The following SGCZ variants were observed in gnomAD, a reference collection of about 807,000 sequenced individuals.
The protein encoded by SGCZ is sarcoglycan zeta.
In SGCZ, 40 loss-of-function variants were observed where a neutral mutation model predicts 41.3. The ratio of observed to expected loss-of-function variants is 0.97; its 90% CI spans 0.75 to 1.26. The LOEUF is 1.26. Among genes scored for constraint, SGCZ ranks in the 50% most tolerant of loss-of-function variants. The pLI, the probability that SGCZ is intolerant of heterozygous loss-of-function variation, is 0.00. For missense variants in SGCZ, 552 were observed against 369.8 expected (o/e 1.49, Z -4.04); for synonymous variants, 206 against 137.5 (o/e 1.50, Z -3.49).
At chr8:14,780,755 G>A (rs1183548789) in intron 1 of SGCZ, among the ~76,000 whole-genome samples, 2 of 152,076 alleles carry the variant, frequency 1.3e-5, no homozygotes, top group Non-Finnish European at 2.9e-5. Context: ...TAATTTCAAT[G>A]CCCTTAATAT....
At chr8:15,198,464 T>G (rs915961819) in intron 1 of SGCZ, among the ~76,000 whole-genome samples, 1 of 152,162 alleles carries the variant, frequency 6.6e-6, no homozygotes, top group Non-Finnish European at 1.5e-5. Flanking sequence ...CTATTGAAAA[T>G]TTAGGTTAGG....
At chr8:14,693,077 G>T (rs1194264307) in intron 1 of SGCZ, among the ~76,000 whole-genome samples, 1 of 152,148 alleles carries the variant, frequency 6.6e-6, no homozygotes, top group African/African-American at 2.4e-5. Context: ...GGTGAAATGT[G>T]TTAATAAAAA....
chr8:14,294,283 G>A (rs746254688), intron 3 of SGCZ, among the ~76,000 whole-genome samples: 9 of 151,726 alleles, frequency 5.9e-5, no homozygotes, highest in Non-Finnish European at 1.2e-4. Flanking sequence ...GAGAAAGGTA[G>A]AAATATGTCA....
chr8:14,673,367 T>C (rs541667054), intron 1 of SGCZ, among the ~76,000 whole-genome samples: 11 of 152,288 alleles, frequency 7.2e-5, no homozygotes, highest in African/African-American at 2.6e-4. Flanking sequence ...GGAGTTCTCA[T>C]GAGATCTGGT....
chr8:14,305,309 A>AT (rs1291516258), intron 3 of SGCZ, among the ~76,000 whole-genome samples: 1 of 152,116 alleles, frequency 6.6e-6, no homozygotes, highest in Non-Finnish European at 1.5e-5. Flanking sequence ...CAGAAATAAC[A>AT]TTTTTTGATA....
At chr8:14,693,033 A>T (rs547624931) in intron 1 of SGCZ, among the ~76,000 whole-genome samples, 2 of 152,294 alleles carry the variant, frequency 1.3e-5, no homozygotes, top group Admixed American at 6.5e-5. Context: ...AACCGTGGCT[A>T]TAATTAGTTT....
chr8:14,373,353 C>G (rs1295060090), intron 2 of SGCZ, among the ~76,000 whole-genome samples: 2 of 152,110 alleles, frequency 1.3e-5, no homozygotes, highest in Non-Finnish European at 2.9e-5. Context: ...GTGGTTGAGA[C>G]CAACTTGGAT....
At chr8:14,425,634 A>G (rs1238234682) in intron 2 of SGCZ, among the ~76,000 whole-genome samples, 2 of 121,726 alleles carry the variant, frequency 1.6e-5, no homozygotes, top group Non-Finnish European at 3.4e-5. Flanking sequence ...AAGAAAAAGA[A>G]AAAGAAAAAA....
chr8:14,281,291 C>CATG (rs948320531), intron 3 of SGCZ, among the ~76,000 whole-genome samples: 2 of 151,848 alleles, frequency 1.3e-5, no homozygotes, highest in Admixed American at 1.3e-4. Flanking sequence ...GTATTTGTTT[C>CATG]ATGATTATGT....
chr8:14,765,787 G>A (rs1316037304), intron 1 of SGCZ, among the ~76,000 whole-genome samples: 1 of 152,108 alleles, frequency 6.6e-6, no homozygotes, highest in African/African-American at 2.4e-5. Flanking sequence ...CGTGTGCGCA[G>A]ACACAGTAAA....
intron 1 of SGCZ, among the ~76,000 whole-genome samples, chr8:14,725,019 C>T (rs1256007190): frequency 6.6e-6 from 1 of 152,122 alleles, no homozygotes; most frequent in Non-Finnish European, 1.5e-5. Flanking sequence ...ATTTCCCAGC[C>T]TCTAGTGGCC....
chr8:15,222,791 G>A (rs268347), intron 1 of SGCZ, among the ~76,000 whole-genome samples: 1 of 151,958 alleles, frequency 6.6e-6, no homozygotes, highest in African/African-American at 2.4e-5. Context: ...GTGTATGCGT[G>A]CATGTGTGGG....
chr8:14,401,204 G>A (rs1286546181), intron 2 of SGCZ, among the ~76,000 whole-genome samples: 1 of 152,038 alleles, frequency 6.6e-6, no homozygotes, highest in Non-Finnish European at 1.5e-5. Context: ...TTTGCATTAT[G>A]CATATCAATA....
At chr8:14,448,060 A>C (rs906967476) in intron 2 of SGCZ, among the ~76,000 whole-genome samples, 2 of 152,180 alleles carry the variant, frequency 1.3e-5, no homozygotes, top group African/African-American at 4.8e-5. Flanking sequence ...AAAAATGTGT[A>C]TTCTAAATGA....
chr8:14,423,447 G>A lies in SGCZ; in HGVS notation c.235-99243C>T, dbSNP rs183973996. Among the ~76,000 whole-genome samples the A allele has an allele frequency of 1.6e-3, 238 of 151,762 alleles. 1 individual carries two copies. Among genetic ancestry groups the A allele is most frequent in the African/African-American group, 5.1e-3 (212 of 41,372 alleles). ...TATTATTTTTTTAAGATGGAGTTTC[G>A]CTCTTGTTGGCCAGGCCAGAGTGCA... On this transcript the variant is annotated intron_variant, in intron 2 of 7. Transcript: ENST00000382080.
chr8:15,024,261 A>G (rs1803364654), intron 1 of SGCZ, among the ~76,000 whole-genome samples: 1 of 152,212 alleles, frequency 6.6e-6, no homozygotes, highest in Non-Finnish European at 1.5e-5. Flanking sequence ...TGGCCATGAA[A>G]TATTAACAAA....
chr8:14,160,140 A>G (rs1285763185), intron 5 of SGCZ, among the ~76,000 whole-genome samples: 2 of 152,194 alleles, frequency 1.3e-5, no homozygotes, highest in Non-Finnish European at 2.9e-5. Flanking sequence ...TTCTTTTGAT[A>G]TATTTAACTG....
At chr8:15,065,529 C>A (rs75506845) in intron 1 of SGCZ, among the ~76,000 whole-genome samples, 100 of 151,674 alleles carry the variant, frequency 6.6e-4, no homozygotes, top group African/African-American at 2.4e-3. Context: ...ACTGCAATCT[C>A]CACCTCCTAG....
At chr8:14,413,828 C>T (rs190271478) in intron 2 of SGCZ, among the ~76,000 whole-genome samples, 61 of 152,002 alleles carry the variant, frequency 4.0e-4, no homozygotes, top group Non-Finnish European at 7.4e-5. Context: ...TTAGATAGAA[C>T]ATAAATCCTA....
Sources: allele counts gnomAD v4.1 joint callset (sites outside exome capture counted in the v4.1 genomes callset), GRCh38; gene constraint gnomAD v4.1.1; transcripts MANE v1.5; gene names NCBI Gene and HGNC (gene_info 2026-07-23, HGNC 2026-07-21).